Variants in KLF12 observed in about 807,000 individuals in gnomAD.
KLF12 encodes Krueppel-like factor 12.
Under a neutral mutation model 37.8 loss-of-function variants are expected in KLF12, and 9 were observed. The ratio of observed to expected loss-of-function variants is 0.24; its 90% CI spans 0.14 to 0.42. The LOEUF is 0.42. Ranked by LOEUF, KLF12 falls within the 10% of genes least tolerant of loss-of-function variation. The pLI, the probability that KLF12 is intolerant of heterozygous loss-of-function variation, is 1.00. For missense variants in KLF12, 411 were observed against 516.0 expected (o/e 0.80, Z 1.97); for synonymous variants, 208 against 202.1 (o/e 1.03, Z -0.25).
At chr13:74,137,898 T>G (rs764036150), upstream of KLF12, among the ~76,000 whole-genome samples, 1 of 152,196 alleles carries the variant, frequency 6.6e-6, no homozygotes, top group Non-Finnish European at 1.5e-5. Flanking sequence ...GTAGCTAGGA[T>G]TACGGGCATG....
chr13:74,136,882 T>C (rs1325175969), upstream of KLF12, among the ~76,000 whole-genome samples: 1 of 151,814 alleles, frequency 6.6e-6, no homozygotes, highest in East Asian at 1.9e-4. Context: ...TTCCTAGCTA[T>C]GAAAAGGAAA....
intron 7 of KLF12, among the ~76,000 whole-genome samples, chr13:73,699,538 A>T (rs1271274586): frequency 6.6e-6 from 1 of 152,250 alleles, no homozygotes; most frequent in Non-Finnish European, 1.5e-5. Context: ...GTCACATGGT[A>T]TGAAGATCAG....
chr13:74,152,865 C>A, the KLF12 span, among the ~76,000 whole-genome samples: 2 of 148,656 alleles, frequency 1.3e-5, no homozygotes, highest in Non-Finnish European at 3.0e-5. Flanking sequence ...GCCTGGGTGA[C>A]AGAGTGAGAC....
chr13:73,938,897 A>T (rs1890068214), intron 3 of KLF12, among the ~76,000 whole-genome samples: 1 of 152,158 alleles, frequency 6.6e-6, no homozygotes, highest in Non-Finnish European at 1.5e-5. Context: ...CAATGCCTGC[A>T]CCCTTTCTAG....
At chr13:73,926,165 C>T (rs919857223) in intron 3 of KLF12, among the ~76,000 whole-genome samples, 9 of 152,194 alleles carry the variant, frequency 5.9e-5, no homozygotes, top group Admixed American at 5.9e-4. Context: ...GGGTAAAACA[C>T]TATCGAATAG....
chr13:74,273,754 GA>G, the KLF12 span, among the ~76,000 whole-genome samples: 1 of 152,162 alleles, frequency 6.6e-6, no homozygotes, highest in Admixed American at 6.5e-5. Context: ...AGCTTTCTGG[GA>G]AAAGCCAAGA....
At chr13:74,184,502 T>C in the KLF12 span, among the ~76,000 whole-genome samples, 15 of 152,212 alleles carry the variant, frequency 9.9e-5, no homozygotes, top group Non-Finnish European at 1.8e-4. Context: ...TAACATGTAT[T>C]TATGGAACAC....
At chr13:73,744,430 TC>T (rs1878224207) in intron 6 of KLF12, among the ~76,000 whole-genome samples, 1 of 152,052 alleles carries the variant, frequency 6.6e-6, no homozygotes, top group African/African-American at 2.4e-5. Context: ...AGTGTAGGTC[TC>T]CTGCAGGAGG....
intron 3 of KLF12, among the ~76,000 whole-genome samples, chr13:73,901,001 C>T (rs745614318): frequency 3.3e-5 from 5 of 152,238 alleles, no homozygotes; most frequent in African/African-American, 7.2e-5. Context: ...AATTTCAAGA[C>T]GATTTGATAG....
intron 2 of KLF12, among the ~76,000 whole-genome samples, chr13:73,955,644 G>A (rs568551063): frequency 1.3e-5 from 2 of 152,120 alleles, no homozygotes; most frequent in South Asian, 4.1e-4. Context: ...AAGCTTTACT[G>A]GTTCTCCTTT....
chr13:74,134,965 G>C (rs1378108607), upstream of KLF12, among the ~76,000 whole-genome samples: 1 of 151,646 alleles, frequency 6.6e-6, no homozygotes, highest in African/African-American at 2.4e-5. Context: ...GGGGCAGCTC[G>C]CGGGGACCGC....
chr13:73,838,707 G>A (rs1013519312), intron 4 of KLF12, among the ~76,000 whole-genome samples: 8 of 152,232 alleles, frequency 5.3e-5, no homozygotes, highest in African/African-American at 1.9e-4. Context: ...AGAAAATGTG[G>A]GATGGTAGGA....
At chr13:73,729,999 T>C (rs568810369) in intron 6 of KLF12, among the ~76,000 whole-genome samples, 1 of 152,302 alleles carries the variant, frequency 6.6e-6, no homozygotes, top group East Asian at 1.9e-4. Context: ...TGTACATTTC[T>C]GGGACTTTAG....
upstream of KLF12, among the ~76,000 whole-genome samples, chr13:74,135,535 G>GGGGTCAGCGCCGAGCCGGA (rs1341343608): frequency 6.6e-6 from 1 of 151,504 alleles, no homozygotes; most frequent in Non-Finnish European, 1.5e-5. Flanking sequence ...CGGAGGGCGC[G>GGGGTCAGCGCCGAGCCGGA]GGGTCAGCGC....
rs532614064 is a variant in KLF12 at position 73,993,545 on chromosome 13, C to G, written c.33+1445G>C. Reference sequence around the variant, plus strand: ...AACTGAACAAAAACATAAAGAAATACTATCTCAACATCATTTCTAAAGGAA... The same window carrying G: ...AACTGAACAAAAACATAAAGAAATAGTATCTCAACATCATTTCTAAAGGAA... On this transcript the variant is annotated intron_variant, in intron 2 of 7. Coordinates refer to ENST00000377669, the MANE Select transcript of KLF12 (RefSeq NM_007249.5). Among the ~76,000 whole-genome samples the G allele has an allele frequency of 1.8e-3, 267 of 152,234 alleles. 1 individual carries two copies. The highest frequency in any genetic ancestry group is 4.1e-3 in the Admixed American group (63 of 15,294).
At chr13:74,050,366 C>T (rs1279392829) in intron 1 of KLF12, among the ~76,000 whole-genome samples, 1 of 152,278 alleles carries the variant, frequency 6.6e-6, no homozygotes, top group East Asian at 1.9e-4. Context: ...CTCCTACAAT[C>T]TCCCTCCTCA....
the KLF12 span, among the ~76,000 whole-genome samples, chr13:74,262,260 A>G: frequency 3.9e-5 from 6 of 152,232 alleles, no homozygotes; most frequent in East Asian, 1.2e-3. Flanking sequence ...TGTGAAAGGC[A>G]TCACTCATAA....
Position 74,084,278 on chromosome 13 carries a change from A to C in KLF12, c.-32+49461T>G, listed in dbSNP as rs572022242. ...GGGCTACCAACTTTCTCCATTTCAGAAAAGTGTCAACATAAAACACTAAAA... is the reference window on the plus strand; with the variant it reads ...GGGCTACCAACTTTCTCCATTTCAGCAAAGTGTCAACATAAAACACTAAAA... On this transcript the variant is annotated intron_variant, in intron 1 of 7. Transcript: ENST00000377669. Among the ~76,000 whole-genome samples the C allele has an allele frequency of 3.3e-5, 5 of 152,318 alleles. No individual in the cohort carries two copies. The South Asian group carries it at 8.3e-4, about 25-fold the overall frequency.
At chr13:73,952,939 G>A (rs1431741175) in intron 2 of KLF12, among the ~76,000 whole-genome samples, 1 of 152,108 alleles carries the variant, frequency 6.6e-6, no homozygotes, top group Admixed American at 6.5e-5. Flanking sequence ...AGAAAGAGGA[G>A]GAAAAATATT....
Sources: gnomAD v4.1 joint callset for allele counts (sites outside exome capture counted in the v4.1 genomes callset) on GRCh38, gnomAD v4.1.1 for gene constraint, MANE v1.5 for transcripts, NCBI Gene and HGNC (gene_info 2026-07-23, HGNC 2026-07-21) for gene names.